The following CYP4Z1 variants were observed in gnomAD, a reference collection of about 807,000 sequenced individuals.
The protein encoded by CYP4Z1 is cytochrome P450 family 4 subfamily Z member 1, also known as cytochrome P450 4Z1.
CYP4Z1 carries 41 observed loss-of-function variants against 54.2 expected under a neutral mutation model. That is an observed-to-expected ratio of 0.76 (90% CI 0.59 to 0.98). The LOEUF (loss-of-function observed/expected upper bound fraction) is 0.98, where lower values mean the gene tolerates loss of function less well. Ranked by LOEUF, CYP4Z1 falls within the 50% of genes least tolerant of loss-of-function variation. The pLI, the probability that CYP4Z1 is intolerant of heterozygous loss-of-function variation, is 0.00. For synonymous variants in CYP4Z1, 163 were observed against 206.2 expected, an observed-to-expected ratio of 0.79 and a Z score of 1.79; for missense variants, 513 against 599.0, an observed-to-expected ratio of 0.86 and a Z score of 1.50.
At chr1:47,101,156 G>A (rs1161876894) in intron 8 of CYP4Z1, among the ~76,000 whole-genome samples, 1 of 152,008 alleles carries the variant, frequency 6.6e-6, no homozygotes, top group Non-Finnish European at 1.5e-5. Context: ...CTCTTCATTA[G>A]TCTAACAGTG....
intron 7 of CYP4Z1, among the ~76,000 whole-genome samples, chr1:47,098,770 G>T (rs1484942341): frequency 6.6e-6 from 1 of 151,876 alleles, no homozygotes. Context: ...TCCTTCTTTT[G>T]ACTATGGTAT....
chr1:47,082,496 T>A (rs761614347), intron 4 of CYP4Z1, 35 bp downstream of exon 4: 1 of 1,583,604 alleles, frequency 6.3e-7, no homozygotes, highest in Non-Finnish European at 8.6e-7. Flanking sequence ...ACCTGGCCTC[T>A]GAAGTGAGGT....
chr1:47,064,910 A>G (rs553781005), upstream of CYP4Z1, among the ~76,000 whole-genome samples: 33 of 152,342 alleles, frequency 2.2e-4, no homozygotes, highest in African/African-American at 6.7e-4. Flanking sequence ...TATACCAGAC[A>G]TAACAACTTT....
chr1:47,061,425 A>T, the CYP4Z1 span, among the ~76,000 whole-genome samples: 5 of 152,172 alleles, frequency 3.3e-5, no homozygotes, highest in African/African-American at 1.2e-4. Flanking sequence ...CAAACTAGAA[A>T]ATCTAGAAGA....
upstream of CYP4Z1, among the ~76,000 whole-genome samples, chr1:47,064,496 C>T (rs557972700): frequency 6.6e-6 from 1 of 152,224 alleles, no homozygotes; most frequent in East Asian, 1.9e-4. Context: ...CAAACAAATG[C>T]TGAGAGAATT....
chr1:47,098,738 A>G (rs1020939510), intron 7 of CYP4Z1, among the ~76,000 whole-genome samples: 2 of 152,022 alleles, frequency 1.3e-5, no homozygotes, highest in African/African-American at 4.8e-5. Flanking sequence ...ACCTTTCCCT[A>G]TTTTTGGCCA....
chr1:47,099,744 A>G (rs146133290), intron 8 of CYP4Z1, among the ~76,000 whole-genome samples: 2,040 of 152,274 alleles, frequency 0.013, 33 homozygotes, highest in African/African-American at 0.038. Context: ...CTGCCACCCC[A>G]CAATGATGAT....
intron 4 of CYP4Z1, among the ~76,000 whole-genome samples, chr1:47,082,697 G>T (rs1469966026): frequency 6.6e-6 from 1 of 151,790 alleles, no homozygotes; most frequent in Non-Finnish European, 1.5e-5. Flanking sequence ...GAATGAATGA[G>T]TGAGTGAGTC....
chr1:47,111,580 CCAAA>C (rs1473037508), intron 9 of CYP4Z1, among the ~76,000 whole-genome samples: 1 of 152,144 alleles, frequency 6.6e-6, no homozygotes, highest in Non-Finnish European at 1.5e-5. Context: ...CCTACGCAAA[CCAAA>C]CAAATAAAGT....
chr1:47,057,990 C>G, the CYP4Z1 span, among the ~76,000 whole-genome samples: 1,404 of 152,052 alleles, frequency 9.2e-3, 23 homozygotes, highest in African/African-American at 0.032. Flanking sequence ...TCACCATGAA[C>G]TTCTGCAACT....
At chr1:47,059,069 AAATT>A in the CYP4Z1 span, among the ~76,000 whole-genome samples, 1 of 152,186 alleles carries the variant, frequency 6.6e-6, no homozygotes, top group Non-Finnish European at 1.5e-5. Context: ...AAATATTTAC[AAATT>A]AATCTAAACT....
intron 7 of CYP4Z1, among the ~76,000 whole-genome samples, chr1:47,097,561 G>A (rs72637973): frequency 0.31 from 47,172 of 151,974 alleles, 8,086 homozygotes; most frequent in East Asian, 0.7. Context: ...TTATTAAATA[G>A]GGAATCCTTT....
At chr1:47,091,052 G>A (rs1279218947) in intron 6 of CYP4Z1, among the ~76,000 whole-genome samples, 2 of 127,186 alleles carry the variant, frequency 1.6e-5, no homozygotes, top group African/African-American at 7.1e-5. Flanking sequence ...ACATTGATAA[G>A]TTTTTGTCCT....
At chr1:47,107,545 T>C (rs1644765465) in intron 9 of CYP4Z1, among the ~76,000 whole-genome samples, 1 of 152,168 alleles carries the variant, frequency 6.6e-6, no homozygotes, top group South Asian at 2.1e-4. Context: ...CCCACCTAGT[T>C]GCTCCAACAA....
chr1:47,113,163 T>C (rs1467508990), intron 9 of CYP4Z1, among the ~76,000 whole-genome samples: 3 of 152,212 alleles, frequency 2.0e-5, no homozygotes, highest in Non-Finnish European at 4.4e-5. Context: ...CCCTGAATCC[T>C]GTTATACAAC....
chr1:47,060,445 A>G, the CYP4Z1 span, among the ~76,000 whole-genome samples: 2 of 126,072 alleles, frequency 1.6e-5, no homozygotes, highest in African/African-American at 6.2e-5. Flanking sequence ...TTAAACTAAC[A>G]AAGATCAAAA....
upstream of CYP4Z1, among the ~76,000 whole-genome samples, chr1:47,065,030 C>T (rs72892649): frequency 0.022 from 3,281 of 152,166 alleles, 109 homozygotes; most frequent in African/African-American, 0.075. Context: ...AACACTGAAA[C>T]GCCCAAATTT....
At chr1:47,095,082 G>A (rs1302436994) in intron 7 of CYP4Z1, among the ~76,000 whole-genome samples, 1 of 152,164 alleles carries the variant, frequency 6.6e-6, no homozygotes, top group Non-Finnish European at 1.5e-5. Context: ...TCCTCCCAGG[G>A]CTTTCCCTCA....
At chr1:47,103,595 C>CTTTTTTTTTTTTTTTTTTTTTTTTT (rs373166937) in intron 8 of CYP4Z1, among the ~76,000 whole-genome samples, 4 of 96,032 alleles carry the variant, frequency 4.2e-5, no homozygotes, top group East Asian at 6.7e-4. Flanking sequence ...TCTTTTTTTT[C>CTTTTTTTTTTTTTTTTTTTTTTTTT]TTTTTTTTTT....
Sources: gnomAD v4.1 joint callset for allele counts (sites outside exome capture counted in the v4.1 genomes callset) on GRCh38, gnomAD v4.1.1 for gene constraint, MANE v1.5 for transcripts, NCBI Gene and HGNC (gene_info 2026-07-23, HGNC 2026-07-21) for gene names.